Variants in VPS26B observed in about 807,000 individuals in gnomAD.
VPS26B encodes VPS26 retromer complex component B.
VPS26B carries 10 observed loss-of-function variants against 33.3 expected under a neutral mutation model. The ratio of observed to expected loss-of-function variants is 0.30; its 90% CI spans 0.19 to 0.51. VPS26B has a LOEUF of 0.51. Ranked by LOEUF, VPS26B falls within the 20% of genes least tolerant of loss-of-function variation. The pLI, the probability that VPS26B is intolerant of heterozygous loss-of-function variation, is 0.98. For synonymous variants in VPS26B, 190 were observed against 176.9 expected (o/e 1.07, Z -0.59); for missense variants, 317 against 452.7 (o/e 0.70, Z 2.72).
chr11:134,235,278 C>A, intron 2 of VPS26B: 1 of 438,178 alleles, frequency 2.3e-6, no homozygotes, highest in South Asian at 3.8e-5. Flanking sequence ...CCCGCCATGG[C>A]CAATTTCAAG....
intron 1 of VPS26B, among the ~76,000 whole-genome samples, chr11:134,233,442 G>A (rs972483072): frequency 2.0e-5 from 3 of 152,198 alleles, no homozygotes; most frequent in African/African-American, 7.2e-5. Flanking sequence ...AGCTTACCTC[G>A]GCCGGGCACG....
At position 134,244,958 on chromosome 11, in the gene VPS26B, C is replaced by G; in HGVS notation, c.742C>G (p.Leu248Val). The G allele has an allele frequency of 6.2e-7, 1 of 1,613,800 alleles. No homozygotes were observed. The highest frequency in any genetic ancestry group is 8.5e-7 in the Non-Finnish European group (1 of 1,180,034). Residue 248 changes from leucine to valine, a missense_variant, in exon 5 of 6, where the codon CTC (leucine) becomes GTC (valine). Leu to Val is a conservative substitution (Grantham distance 32). Coordinates refer to ENST00000281187, the MANE Select transcript of VPS26B (RefSeq NM_052875.5). The surrounding 1 kb of genome is among the most constrained non-coding windows in gnomAD (Gnocchi z 4.0). ...TACAGGAGAGTCCATCCCGATCCGG[C>G]TCTTCCTGGCCGGGTATGAGCTCAC... ...PVRGESIPIR[L>V]FLAGYELTPT... is the part of the protein sequence containing the mutation.
chr11:134,241,914 G>A (rs1938732130), intron 3 of VPS26B, among the ~76,000 whole-genome samples: 1 of 152,238 alleles, frequency 6.6e-6, no homozygotes, highest in South Asian at 2.1e-4. Flanking sequence ...GACCAGATCA[G>A]TGGGTTTCAA....
chr11:134,226,358 A>G (rs1014447999), intron 1 of VPS26B, among the ~76,000 whole-genome samples: 2 of 152,156 alleles, frequency 1.3e-5, no homozygotes, highest in Non-Finnish European at 2.9e-5. Context: ...GTGAGCTGTG[A>G]TAACACCACA....
chr11:134,224,690 G>C lies in VPS26B; in HGVS notation c.-433G>C, dbSNP rs1043917306. The C allele has an allele frequency of 2.0e-5, 3 of 151,924 alleles. No homozygotes were observed. The highest frequency in any genetic ancestry group is 2.9e-5 in the Non-Finnish European group (2 of 67,986). 9.4% of individuals were successfully genotyped at this position (151,924 alleles called of 1,614,324 possible). The stretch of plus-strand genomic sequence containing the variant: ...CCGCCCGGAGCCGCCGAAGCGCCTC[G>C]GTGCGTTGCACCGCCGGAGGCTGGG... On this transcript the variant is annotated 5_prime_UTR_variant, in exon 1 of 6. Transcript: ENST00000281187.
rs1022562479 is a variant in VPS26B, at chr11:134,245,041, G to A, written c.825G>A (p.Val275=). 6.2e-7 allele frequency: 1 copy of A among 1,614,202 alleles called. No individual in the cohort carries two copies. Among genetic ancestry groups the A allele is most frequent in the Non-Finnish European group, 8.5e-7 (1 of 1,180,044 alleles). ...KFSVRYYLNL[V]LIDEEERRYF... is the part of the protein sequence containing the mutation. ...CTGTGCGCTATTACCTCAACCTGGT[G>A]CTGATAGACGAGGAGGAGCGGCGCT... The change falls in exon 5 of 6, where the codon GTG becomes GTA. Residue 275 remains valine, a synonymous_variant. Coordinates refer to ENST00000281187, the MANE Select transcript of VPS26B (RefSeq NM_052875.5). The surrounding 1 kb of genome is among the most constrained non-coding windows in gnomAD (Gnocchi z 4.7).
rs143496140 is a variant in VPS26B at position 134,244,685 on chromosome 11, T to C, written c.722-253T>C. ...AAAGATGCTTATACTAATAATGACC[T>C]GTGCTGTTCCCACTCAGTTGCTCTC... On this transcript the variant is annotated intron_variant, in intron 4 of 5. Coordinates refer to ENST00000281187, the MANE Select transcript of VPS26B (RefSeq NM_052875.5). The surrounding 1 kb of genome is among the most constrained non-coding windows in gnomAD (Gnocchi z 4.0). 2,030 of 457,198 alleles carry C rather than the reference T, an allele frequency of 4.4e-3. 47 individuals are homozygous for C. Among genetic ancestry groups the C allele is most frequent in the East Asian group, 0.039 (1,061 of 27,198 alleles). 28.3% of individuals were successfully genotyped at this position (457,198 alleles called of 1,614,324 possible).
At chr11:134,228,149 A>G (rs1376710441) in intron 1 of VPS26B, among the ~76,000 whole-genome samples, 1 of 152,254 alleles carries the variant, frequency 6.6e-6, no homozygotes, top group Non-Finnish European at 1.5e-5. Flanking sequence ...TTGATCAAGA[A>G]CAAGGCATTA....
At chr11:134,232,954 A>G (rs1294940147) in intron 1 of VPS26B, among the ~76,000 whole-genome samples, 3 of 152,066 alleles carry the variant, frequency 2.0e-5, no homozygotes, top group Non-Finnish European at 4.4e-5. Flanking sequence ...TGCCTGTCAT[A>G]TACTTCTGAC....
At chr11:134,243,319 G>A (rs779233399) in intron 4 of VPS26B, 25 bp downstream of exon 4, 1 of 1,612,584 alleles carries the variant, frequency 6.2e-7, no homozygotes, top group Non-Finnish European at 8.5e-7. Context: ...CCAGGCCTCG[G>A]CTACCACAGC....
chr11:134,229,489 T>C (rs1475063108), intron 1 of VPS26B, among the ~76,000 whole-genome samples: 1 of 152,196 alleles, frequency 6.6e-6, no homozygotes, highest in African/African-American at 2.4e-5. Flanking sequence ...TGTCTCTGCT[T>C]CAGCCACAGC....
chr11:134,228,398 C>T (rs1438250294), intron 1 of VPS26B, among the ~76,000 whole-genome samples: 1 of 150,786 alleles, frequency 6.6e-6, no homozygotes, highest in Non-Finnish European at 1.5e-5. Flanking sequence ...TCCTGAAATA[C>T]ACACATGGAC....
chr11:134,243,467 A>T, intron 4 of VPS26B, 173 bp downstream of exon 4: 1 of 754,196 alleles, frequency 1.3e-6, no homozygotes, highest in Non-Finnish European at 2.1e-6. Flanking sequence ...AGGAAGGCTG[A>T]GTGTGTAGAA....
At chr11:134,235,296 A>C in intron 2 of VPS26B, 1 of 385,606 alleles carries the variant, frequency 2.6e-6, no homozygotes, top group Non-Finnish European at 4.7e-6. Context: ...AAGCTACCTA[A>C]TGTTCCTAAA....
chr11:134,225,714 T>G lies in VPS26B; in HGVS notation c.223+369T>G, dbSNP rs149996287. Among the ~76,000 whole-genome samples the G allele has an allele frequency of 5.2e-3, 792 of 152,316 alleles. 7 individuals are homozygous for G. Among genetic ancestry groups the G allele is most frequent in the African/African-American group, 0.018 (747 of 41,576 alleles). On this transcript the variant is annotated intron_variant, in intron 1 of 5. Transcript: ENST00000281187. ...TCTGGCCATAGCCTGCAGGTGGGTTTGTTAGGGGGAGACCGCTCTGCCAAT... is the reference window on the plus strand; with the variant it reads ...TCTGGCCATAGCCTGCAGGTGGGTTGGTTAGGGGGAGACCGCTCTGCCAAT...
At chr11:134,226,829 CA>C (rs1938484259) in intron 1 of VPS26B, among the ~76,000 whole-genome samples, 1 of 152,184 alleles carries the variant, frequency 6.6e-6, no homozygotes, top group Non-Finnish European at 1.5e-5. Flanking sequence ...CTCTTGGGTT[CA>C]CTGCTCAGCC....
At position 134,225,082 on chromosome 11, in the gene VPS26B, G is replaced by C; in HGVS notation, c.-41G>C. On this transcript the variant is annotated 5_prime_UTR_variant, in exon 1 of 6. Coordinates refer to ENST00000281187, the MANE Select transcript of VPS26B (RefSeq NM_052875.5). ...TAGGGCAGCCCGCGCCCCGGTGCGA[G>C]GGAGCGGTCCTTACCGAGACCCGCC... 1.9e-6 allele frequency: 3 copies of C among 1,546,776 alleles called. No homozygotes were observed. The highest frequency in any genetic ancestry group is 2.6e-6 in the Non-Finnish European group (3 of 1,141,292).
At chr11:134,226,252 T>G (rs932697042) in intron 1 of VPS26B, among the ~76,000 whole-genome samples, 1 of 152,032 alleles carries the variant, frequency 6.6e-6, no homozygotes, top group African/African-American at 2.4e-5. Flanking sequence ...AAAATTTTTT[T>G]GTAATTAGCT....
intron 1 of VPS26B, among the ~76,000 whole-genome samples, chr11:134,229,177 A>G (rs890042801): frequency 6.6e-6 from 1 of 152,158 alleles, no homozygotes; most frequent in Non-Finnish European, 1.5e-5. Context: ...CTACAGGTGC[A>G]TGCCACCATA....
Sources: allele counts gnomAD v4.1 joint callset (sites outside exome capture counted in the v4.1 genomes callset), GRCh38; gene constraint gnomAD v4.1.1; non-coding constraint Gnocchi (gnomAD v3.1); transcripts MANE v1.5; gene names NCBI Gene and HGNC (gene_info 2026-07-23, HGNC 2026-07-21).